The following CACNG2 variants were observed in gnomAD, a reference collection of about 807,000 sequenced individuals.
The protein encoded by CACNG2 is voltage-dependent calcium channel gamma-2 subunit.
In CACNG2, 3 loss-of-function variants were observed where a neutral mutation model predicts 25.9. The observed-to-expected ratio is 0.12, with a 90% CI of 0.05 to 0.30. The LOEUF is 0.30. Ranked by LOEUF, CACNG2 falls within the 10% of genes least tolerant of loss-of-function variation. CACNG2 has a pLI of 1.00. For missense variants in CACNG2, 341 were observed against 432.5 expected, an observed-to-expected ratio of 0.79 and a Z score of 1.88; for synonymous variants, 167 against 173.3, an observed-to-expected ratio of 0.96 and a Z score of 0.29.
intron 1 of CACNG2, among the ~76,000 whole-genome samples, chr22:36,613,520 T>TA (rs1168540247): frequency 6.6e-6 from 1 of 152,146 alleles, no homozygotes; most frequent in Non-Finnish European, 1.5e-5. Flanking sequence ...TTGGTTTTCT[T>TA]CCTGTTCATT....
chr22:36,656,844 G>A (rs184131129), intron 1 of CACNG2, among the ~76,000 whole-genome samples: 12 of 152,300 alleles, frequency 7.9e-5, no homozygotes, highest in Admixed American at 1.3e-4. Flanking sequence ...AAATGGCGGC[G>A]TTCCTGGCCA....
At chr22:36,612,420 C>T (rs755245147) in intron 1 of CACNG2, among the ~76,000 whole-genome samples, 1 of 152,204 alleles carries the variant, frequency 6.6e-6, no homozygotes, top group East Asian at 1.9e-4. Flanking sequence ...TTGACTACAA[C>T]CACATTGAGA....
rs1158723546 is a variant in CACNG2 at position 36,606,749 on chromosome 22, G to C, written c.212-19201C>G. On this transcript the variant is annotated intron_variant, in intron 1 of 3. Transcript: ENST00000300105. This position sits in a 1 kb window ranked among gnomAD's most constrained non-coding sequence, Gnocchi z 5.7. ...TTTAGAGGACGGAAACCAGACGGTTGGGCTGTGCGTGTGTGTGTGTGTGTG... is the reference window on the plus strand; with the variant it reads ...TTTAGAGGACGGAAACCAGACGGTTCGGCTGTGCGTGTGTGTGTGTGTGTG... Among the ~76,000 whole-genome samples, 1 of 142,624 alleles carries C rather than the reference G, an allele frequency of 7.0e-6. No individual in the cohort carries two copies. The highest frequency in any genetic ancestry group is 1.6e-5 in the Non-Finnish European group (1 of 64,472). 93.6% of individuals were successfully genotyped at this position (142,624 alleles called of 152,430 possible).
At position 36,564,290 on chromosome 22, in the gene CACNG2, C is replaced by T. The variant is rs1021424526; in HGVS notation, c.*61G>A. On this transcript the variant is annotated 3_prime_UTR_variant, in exon 4 of 4. Coordinates refer to ENST00000300105, the MANE Select transcript of CACNG2 (RefSeq NM_006078.5). The surrounding 1 kb of genome is among the most constrained non-coding windows in gnomAD (Gnocchi z 6.7). Reference sequence around the variant, plus strand: ...CAGCGGAGGGTCTGGGTCTCCCCGCCCCGCCCCGCCCCCGGGGACCGCGCC... The same window carrying T: ...CAGCGGAGGGTCTGGGTCTCCCCGCTCCGCCCCGCCCCCGGGGACCGCGCC... 2 of 1,511,158 alleles carry T rather than the reference C, an allele frequency of 1.3e-6. No individual in the cohort carries two copies. The highest frequency in any genetic ancestry group is 1.8e-6 in the Non-Finnish European group (2 of 1,112,284). The allele number at this position is 1,511,158 out of a possible 1,614,324, so 93.6% of individuals were successfully genotyped here.
intron 1 of CACNG2, among the ~76,000 whole-genome samples, chr22:36,604,242 C>T (rs1231985030): frequency 6.6e-6 from 1 of 152,166 alleles, no homozygotes; most frequent in Non-Finnish European, 1.5e-5. Flanking sequence ...GAGTGAATTG[C>T]TGCAATCTCA....
chr22:36,696,570 G>A (rs1937344140), intron 1 of CACNG2, among the ~76,000 whole-genome samples: 2 of 152,198 alleles, frequency 1.3e-5, no homozygotes, highest in Admixed American at 1.3e-4. Context: ...TGTCATGATT[G>A]CTGTGGGCAC....
intron 1 of CACNG2, among the ~76,000 whole-genome samples, chr22:36,659,222 G>T (rs567145426): frequency 6.6e-6 from 1 of 152,124 alleles, no homozygotes; most frequent in South Asian, 2.1e-4. Context: ...CCTCTTGTGG[G>T]TGAGGGCCTG....
At chr22:36,571,532 C>A (rs1033251447) in intron 2 of CACNG2, among the ~76,000 whole-genome samples, 2 of 151,970 alleles carry the variant, frequency 1.3e-5, no homozygotes, top group Non-Finnish European at 2.9e-5. Context: ...TTAATGAGAT[C>A]CCCAGAGCAA....
intron 1 of CACNG2, among the ~76,000 whole-genome samples, chr22:36,693,448 A>T (rs1175777885): frequency 6.6e-6 from 1 of 152,174 alleles, no homozygotes; most frequent in Non-Finnish European, 1.5e-5. Flanking sequence ...TCACCTGCTC[A>T]GCAAGTCTCA....
Position 36,563,807 on chromosome 22 carries a change from G to A in CACNG2, c.*544C>T, listed in dbSNP as rs73169694. The A allele has an allele frequency of 0.055, 8,333 of 150,940 alleles. 414 individuals carry two copies. The highest frequency in any genetic ancestry group is 0.11 in the African/African-American group (4,453 of 41,032). 9.4% of individuals were successfully genotyped at this position (150,940 alleles called of 1,614,324 possible). On this transcript the variant is annotated 3_prime_UTR_variant, in exon 4 of 4. Coordinates refer to ENST00000300105, the MANE Select transcript of CACNG2 (RefSeq NM_006078.5). ...TCTCCCAGGGAGGCAGGGCCCGCTG[G>A]GGGTTAAAGGGAACAGAAAAGTAAC...
intron 1 of CACNG2, among the ~76,000 whole-genome samples, chr22:36,653,031 T>A (rs1004696578): frequency 6.6e-6 from 1 of 152,124 alleles, no homozygotes; most frequent in Non-Finnish European, 1.5e-5. Flanking sequence ...GTTGTTATTT[T>A]AAAATTCGAG....
Position 36,654,352 on chromosome 22 carries a change from A to G in CACNG2, c.211+48014T>C, listed in dbSNP as rs138752604. ...TTGATCACAGCTCACTGAAGCCTCA[A>G]CTTCATAGGATCACTTGCGTAGGCC... On this transcript the variant is annotated intron_variant, in intron 1 of 3. Transcript: ENST00000300105. Among the ~76,000 whole-genome samples, 9 of 151,864 alleles carry G rather than the reference A, an allele frequency of 5.9e-5. No homozygotes were observed. In the East Asian group the frequency reaches 1.7e-3, roughly 29 times the overall value.
chr22:36,650,747 T>G (rs767098497), intron 1 of CACNG2, among the ~76,000 whole-genome samples: 2 of 152,226 alleles, frequency 1.3e-5, no homozygotes, highest in Non-Finnish European at 2.9e-5. Flanking sequence ...CTTGAACTCC[T>G]GGCTTCAAGT....
intron 1 of CACNG2, among the ~76,000 whole-genome samples, chr22:36,649,599 T>C (rs1936577451): frequency 6.6e-6 from 1 of 152,196 alleles, no homozygotes; most frequent in Non-Finnish European, 1.5e-5. Flanking sequence ...AGCTCTACTT[T>C]CAAACTGTGA....
rs1310112037 is a variant in CACNG2 at position 36,563,673 on chromosome 22, G to C, written c.*678C>G. ...CATCAATGCTGGGCGGAGCCGGCTC[G>C]AGCTCTGAGCCTTCCTGGAGTTCCT... On this transcript the variant is annotated 3_prime_UTR_variant, in exon 4 of 4. Transcript: ENST00000300105. Among the ~76,000 whole-genome samples, 1 of 151,918 alleles carries C rather than the reference G, an allele frequency of 6.6e-6. No homozygotes were observed. The highest frequency in any genetic ancestry group is 2.4e-5 in the African/African-American group (1 of 41,386).
intron 1 of CACNG2, among the ~76,000 whole-genome samples, chr22:36,692,171 A>C (rs1937274646): frequency 6.6e-6 from 1 of 152,164 alleles, no homozygotes; most frequent in Non-Finnish European, 1.5e-5. Context: ...TTGAAGTTGC[A>C]TGATGGAGGG....
intron 1 of CACNG2, among the ~76,000 whole-genome samples, chr22:36,658,743 G>A (rs1396390065): frequency 6.6e-6 from 1 of 152,202 alleles, no homozygotes; most frequent in Non-Finnish European, 1.5e-5. Context: ...AGTGAACAAA[G>A]TAACAAACCA....
chr22:36,582,601 G>A (rs1369637779), intron 2 of CACNG2, among the ~76,000 whole-genome samples: 1 of 150,660 alleles, frequency 6.6e-6, no homozygotes, highest in Non-Finnish European at 1.5e-5. Flanking sequence ...TAGAGACGGG[G>A]TTTCTCCATG....
chr22:36,666,847 C>T (rs949267282), intron 1 of CACNG2, among the ~76,000 whole-genome samples: 3 of 152,150 alleles, frequency 2.0e-5, no homozygotes, highest in Admixed American at 6.5e-5. Flanking sequence ...CACCTCTCTC[C>T]ATCCTGTCCC....
Sources: gnomAD v4.1 joint callset for allele counts (sites outside exome capture counted in the v4.1 genomes callset) on GRCh38, gnomAD v4.1.1 for gene constraint, Gnocchi (gnomAD v3.1) non-coding constraint, MANE v1.5 for transcripts, NCBI Gene and HGNC (gene_info 2026-07-23, HGNC 2026-07-21) for gene names.